The following KCNQ3 variants were observed in gnomAD, a reference collection of about 807,000 sequenced individuals.
KCNQ3 encodes the protein potassium voltage-gated channel subfamily KQT member 3.
In KCNQ3, 30 loss-of-function variants were observed where a neutral mutation model predicts 92.5. The ratio of observed to expected loss-of-function variants is 0.32; its 90% CI spans 0.24 to 0.44. The LOEUF (loss-of-function observed/expected upper bound fraction) is 0.44. Ranked by LOEUF, KCNQ3 falls within the 20% of genes least tolerant of loss-of-function variation. The pLI is 1.00. For missense variants in KCNQ3, 913 were observed against 1,140.3 expected (o/e 0.80, Z 2.87); for synonymous variants, 450 against 468.8 (o/e 0.96, Z 0.52).
chr8:132,418,216 A>C (rs774334802), intron 1 of KCNQ3, among the ~76,000 whole-genome samples: 4 of 152,244 alleles, frequency 2.6e-5, no homozygotes, highest in Non-Finnish European at 5.9e-5. Context: ...CCTGAGGACA[A>C]GATAAATATA....
intron 1 of KCNQ3, among the ~76,000 whole-genome samples, chr8:132,188,483 A>T (rs1210672344): frequency 6.6e-6 from 1 of 152,232 alleles, no homozygotes; most frequent in African/African-American, 2.4e-5. Flanking sequence ...GTTCTTAGAC[A>T]AAATACAAAA....
chr8:132,169,739 C>G (rs545640015), intron 8 of KCNQ3, among the ~76,000 whole-genome samples: 1 of 152,362 alleles, frequency 6.6e-6, no homozygotes, highest in East Asian at 1.9e-4. Flanking sequence ...CTGGGAAGCC[C>G]TGGCTGCACA....
At chr8:132,187,090 T>C (rs1449136086) in intron 1 of KCNQ3, 1 of 443,792 alleles carries the variant, frequency 2.3e-6, no homozygotes, top group Non-Finnish European at 4.5e-6. Context: ...TCCCTGGGTG[T>C]CCAAAAGGGA....
intron 1 of KCNQ3, among the ~76,000 whole-genome samples, chr8:132,240,738 C>T (rs1022798762): frequency 1.3e-5 from 2 of 152,182 alleles, no homozygotes; most frequent in Non-Finnish European, 2.9e-5. Context: ...TTGTGCCTGG[C>T]ACCTAGTTGG....
intron 1 of KCNQ3, among the ~76,000 whole-genome samples, chr8:132,433,860 A>G (rs1821315676): frequency 6.6e-6 from 1 of 151,806 alleles, no homozygotes; most frequent in Non-Finnish European, 1.5e-5. Flanking sequence ...ACGGCACTCC[A>G]GCCTGAGTGA....
chr8:132,220,501 C>T (rs1413022967), intron 1 of KCNQ3, among the ~76,000 whole-genome samples: 3 of 152,176 alleles, frequency 2.0e-5, no homozygotes, highest in Admixed American at 2.0e-4. Context: ...GTAATCCCAG[C>T]ACTTTGGGAG....
At chr8:132,194,903 C>T (rs958599396) in intron 1 of KCNQ3, among the ~76,000 whole-genome samples, 1 of 152,168 alleles carries the variant, frequency 6.6e-6, no homozygotes, top group African/African-American at 2.4e-5. Flanking sequence ...CTCTCAACTC[C>T]CAGCCTGCTA....
At chr8:132,437,976 A>G (rs1821439812) in intron 1 of KCNQ3, among the ~76,000 whole-genome samples, 1 of 152,240 alleles carries the variant, frequency 6.6e-6, no homozygotes, top group Non-Finnish European at 1.5e-5. Flanking sequence ...AGTGACTGCT[A>G]CAAGTGTCTA....
In KCNQ3 at chr8:132,451,759, A is replaced by G. The variant is rs142227407; in HGVS notation, c.386+28388T>C. On this transcript the variant is annotated intron_variant, in intron 1 of 14. Coordinates refer to ENST00000388996, the MANE Select transcript of KCNQ3 (RefSeq NM_004519.4). ...GGATAACTGTTGCAAATATTCACCC[A>G]CGACATTTTCTCCATTTAACTGATG... 4.0e-4 allele frequency among the ~76,000 whole-genome samples: 61 copies of G among 152,324 alleles called. 2 individuals carry two copies. In the East Asian group the frequency reaches 0.012, roughly 29 times the overall value.
chr8:132,170,161 C>G (rs901762421), intron 8 of KCNQ3, among the ~76,000 whole-genome samples, 173 bp downstream of exon 8: 2 of 152,214 alleles, frequency 1.3e-5, no homozygotes, highest in East Asian at 1.9e-4. Context: ...GTGTGAGCCA[C>G]CGCGCCCAGC....
At chr8:132,217,329 A>T (rs1219838848) in intron 1 of KCNQ3, among the ~76,000 whole-genome samples, 4 of 152,278 alleles carry the variant, frequency 2.6e-5, no homozygotes, top group African/African-American at 9.6e-5. Flanking sequence ...ACTATGTGCA[A>T]TTTACATTTA....
intron 1 of KCNQ3, among the ~76,000 whole-genome samples, chr8:132,320,172 A>G (rs1310333988): frequency 6.6e-6 from 1 of 152,190 alleles, no homozygotes; most frequent in African/African-American, 2.4e-5. Flanking sequence ...GAGGATTTTC[A>G]TGTATTTTAA....
chr8:132,277,743 G>A lies in KCNQ3; in HGVS notation c.387-91562C>T, dbSNP rs745496185. Reference sequence around the variant, plus strand: ...TCCCTGCTGGCAGTCCCCAAAGGACGGCCCAGAAACCCCACCCTGCCCTAG... The same window carrying A: ...TCCCTGCTGGCAGTCCCCAAAGGACAGCCCAGAAACCCCACCCTGCCCTAG... On this transcript the variant is annotated intron_variant, in intron 1 of 14. Transcript: ENST00000388996. Among the ~76,000 whole-genome samples, 6 of 152,262 alleles carry A rather than the reference G, an allele frequency of 3.9e-5. No homozygotes were observed. The East Asian group carries it at 5.8e-4, about 15-fold the overall frequency.
intron 7 of KCNQ3, among the ~76,000 whole-genome samples, chr8:132,172,073 A>G (rs1826383542): frequency 6.6e-6 from 1 of 151,992 alleles, no homozygotes. Flanking sequence ...TGTGGTCCCA[A>G]CTACTCAGGA....
rs753228779 is a variant in KCNQ3 at position 132,339,471 on chromosome 8, TA to T, written c.386+140675del. 4.0e-4 allele frequency among the ~76,000 whole-genome samples: 61 copies of T among 151,204 alleles called. 1 individual carries two copies. In the South Asian group the frequency reaches 6.7e-3, roughly 17 times the overall value. On this transcript the variant is annotated intron_variant, in intron 1 of 14. Coordinates refer to ENST00000388996, the MANE Select transcript of KCNQ3 (RefSeq NM_004519.4). ...TGGTCAGCTTCTTCACTGGTTTCTT[TA>T]AAAAAAAACAAAATGCACTCACACT...
At chr8:132,396,157 G>A (rs1398433863) in intron 1 of KCNQ3, among the ~76,000 whole-genome samples, 1 of 152,142 alleles carries the variant, frequency 6.6e-6, no homozygotes, top group African/African-American at 2.4e-5. Context: ...CCCAGGCAGT[G>A]GCCTGGGTGC....
At chr8:132,339,212 A>AG (rs1306715561) in intron 1 of KCNQ3, among the ~76,000 whole-genome samples, 1 of 152,208 alleles carries the variant, frequency 6.6e-6, no homozygotes, top group Admixed American at 6.5e-5. Flanking sequence ...AGCCAGGAGC[A>AG]GGGCCCTTCC....
chr8:132,383,104 T>C (rs1586973347), intron 1 of KCNQ3, among the ~76,000 whole-genome samples: 1 of 152,160 alleles, frequency 6.6e-6, no homozygotes, highest in Non-Finnish European at 1.5e-5. Context: ...GGTCCACAGC[T>C]GAAAATGCCC....
chr8:132,186,220 G>A (rs1826951738), intron 1 of KCNQ3, 39 bp from the exon 2 acceptor site: 3 of 1,465,794 alleles, frequency 2.0e-6, no homozygotes, highest in Non-Finnish European at 2.9e-6. Context: ...GAACCTTTGA[G>A]TCATGGCTTG....
Sources: gnomAD v4.1 joint callset for allele counts (sites outside exome capture counted in the v4.1 genomes callset) on GRCh38, gnomAD v4.1.1 for gene constraint, MANE v1.5 for transcripts, NCBI Gene and HGNC (gene_info 2026-07-23, HGNC 2026-07-21) for gene names.